The following PPP1R9A variants were observed in gnomAD, a reference collection of about 807,000 sequenced individuals.
The protein encoded by PPP1R9A is protein phosphatase 1 regulatory subunit 9A.
Under a neutral mutation model 141.9 loss-of-function variants are expected in PPP1R9A, and 59 were observed. That is an observed-to-expected ratio of 0.42 (90% CI 0.34 to 0.52). The LOEUF (loss-of-function observed/expected upper bound fraction) is 0.52, where lower values mean the gene tolerates loss of function less well. Among genes scored for constraint, PPP1R9A ranks in the 20% least tolerant of loss-of-function variants. PPP1R9A has a pLI of 0.10. For missense variants in PPP1R9A, 1,444 were observed against 1,611.9 expected (o/e 0.90, Z 1.78); for synonymous variants, 500 against 569.7 (o/e 0.88, Z 1.74).
At chr7:95,042,685 T>C (rs1809428704) in intron 2 of PPP1R9A, among the ~76,000 whole-genome samples, 2 of 152,198 alleles carry the variant, frequency 1.3e-5, no homozygotes, top group African/African-American at 4.8e-5. Context: ...GATGTGTTGA[T>C]CTAAAGTAAA....
At chr7:95,024,303 GA>G (rs751067882) in intron 2 of PPP1R9A, among the ~76,000 whole-genome samples, 5 of 152,146 alleles carry the variant, frequency 3.3e-5, no homozygotes, top group Non-Finnish European at 7.3e-5. Context: ...ACTTGGACCA[GA>G]GCTCAGTTCA....
intron 4 of PPP1R9A, among the ~76,000 whole-genome samples, chr7:95,141,417 A>G (rs1826662482): frequency 6.6e-6 from 1 of 152,212 alleles, no homozygotes; most frequent in Non-Finnish European, 1.5e-5. Context: ...TGAATATTCA[A>G]GAGTTATATA....
At chr7:95,251,032 C>T (rs868812590) in intron 10 of PPP1R9A, among the ~76,000 whole-genome samples, 1 of 152,048 alleles carries the variant, frequency 6.6e-6, no homozygotes, top group African/African-American at 2.4e-5. Flanking sequence ...TAAGATTAAC[C>T]ATATTTCTTT....
intron 2 of PPP1R9A, chr7:95,036,319 GGATTTA>G (rs1323459739): frequency 6.6e-6 from 1 of 152,192 alleles, no homozygotes; most frequent in African/African-American, 2.4e-5. Flanking sequence ...GTGTGAGTCA[GGATTTA>G]GTCCAGGAAA....
chr7:95,071,603 A>G (rs978515822), intron 2 of PPP1R9A, among the ~76,000 whole-genome samples: 3 of 151,942 alleles, frequency 2.0e-5, no homozygotes, highest in Admixed American at 2.0e-4. Context: ...AGTTTACAAA[A>G]ATGTTAGCTA....
At chr7:94,932,425 C>T (rs1794268375) in intron 2 of PPP1R9A, among the ~76,000 whole-genome samples, 1 of 152,044 alleles carries the variant, frequency 6.6e-6, no homozygotes, top group African/African-American at 2.4e-5. Context: ...AATAGTCAGA[C>T]CCCTTGTTTT....
Position 95,226,092 on chromosome 7 carries a change from C to T in PPP1R9A, c.2088C>T (p.Ser696=). 6.2e-7 allele frequency: 1 copy of T among 1,613,058 alleles called. No individual in the cohort carries two copies. The highest frequency in any genetic ancestry group is 8.5e-7 in the Non-Finnish European group (1 of 1,179,256). The part of the protein sequence containing the change: ...DMFSPSELDT[S]KLSHKFKELQ... ...TTTCCCCATCAGAACTGGACACAAG[C>T]AAGCTCAGTCACAAGTTCAAAGAGG... The change falls in exon 8 of 20, where the codon AGC becomes AGT. Residue 696 remains serine (S), a synonymous_variant. Coordinates refer to ENST00000433360, the MANE Select transcript of PPP1R9A (RefSeq NM_001166160.2).
intron 4 of PPP1R9A, among the ~76,000 whole-genome samples, chr7:95,124,582 C>CT (rs777368624): frequency 3.3e-5 from 5 of 152,208 alleles, no homozygotes; most frequent in Admixed American, 6.5e-5. Context: ...GAGGAAATTA[C>CT]TTGTCAGACC....
chr7:95,205,193 T>C (rs61452986), intron 7 of PPP1R9A, among the ~76,000 whole-genome samples: 1,750 of 152,348 alleles, frequency 0.011, 29 homozygotes, highest in African/African-American at 0.04. Flanking sequence ...ATCTAAACAA[T>C]GTCATCTTTT....
Position 95,099,164 on chromosome 7 carries a change from C to A in PPP1R9A, c.1396-12095C>A, listed in dbSNP as rs554896043. On this transcript the variant is annotated intron_variant, in intron 2 of 19. Transcript: ENST00000433360. Reference sequence around the variant, plus strand: ...CCAACTGCTGAGACACATGCTAGAACAAAAATTGATTTACTAACTTAACTT... The same window carrying A: ...CCAACTGCTGAGACACATGCTAGAAAAAAAATTGATTTACTAACTTAACTT... Among the ~76,000 whole-genome samples the A allele has an allele frequency of 5.5e-3, 838 of 152,304 alleles. 4 individuals are homozygous for A. Among genetic ancestry groups the A allele is most frequent in the Non-Finnish European group, 8.0e-3 (546 of 68,012 alleles).
At chr7:95,274,019 C>G in intron 15 of PPP1R9A, 33 bp downstream of exon 15, 1 of 1,498,164 alleles carries the variant, frequency 6.7e-7, no homozygotes, top group South Asian at 1.2e-5. Context: ...AGAAAGCCCT[C>G]TGTAAAAGGA....
intron 5 of PPP1R9A, among the ~76,000 whole-genome samples, chr7:95,172,326 A>C (rs1832243019): frequency 6.6e-6 from 1 of 151,744 alleles, no homozygotes; most frequent in Non-Finnish European, 1.5e-5. Context: ...ATTCACAGGC[A>C]ATATGGTCAT....
chr7:95,218,318 G>A (rs1477259857), intron 7 of PPP1R9A, among the ~76,000 whole-genome samples: 2 of 152,038 alleles, frequency 1.3e-5, no homozygotes, highest in Non-Finnish European at 2.9e-5. Flanking sequence ...TTTGATTGCA[G>A]TGTGGTCTGA....
intron 2 of PPP1R9A, among the ~76,000 whole-genome samples, chr7:95,044,032 C>T (rs1228949759): frequency 1.3e-5 from 2 of 152,166 alleles, no homozygotes; most frequent in Non-Finnish European, 2.9e-5. Context: ...ATTGCAGAAG[C>T]ACAACAATAC....
chr7:95,032,221 G>A (rs1265254523), intron 2 of PPP1R9A, among the ~76,000 whole-genome samples: 1 of 152,100 alleles, frequency 6.6e-6, no homozygotes, highest in Non-Finnish European at 1.5e-5. Context: ...GTATCCATCC[G>A]TGCTTCTCTT....
Position 95,194,719 on chromosome 7 carries a change from C to CAA in PPP1R9A, c.1755-3615_1755-3614dup, listed in dbSNP as rs372060355. On this transcript the variant is annotated intron_variant, in intron 5 of 19. Coordinates refer to ENST00000433360, the MANE Select transcript of PPP1R9A (RefSeq NM_001166160.2). The stretch of plus-strand genomic sequence containing the variant: ...TAAAAGCCAGTATCACTTACAATAC[C>CAA]AAAAAAAAAAAAAAAATGAAATACT... Among the ~76,000 whole-genome samples the CAA allele has an allele frequency of 1.7e-3, 199 of 114,588 alleles. 1 individual carries two copies. Among genetic ancestry groups the CAA allele is most frequent in the Middle Eastern group, 4.9e-3 (1 of 204 alleles). 75.2% of individuals were successfully genotyped at this position (114,588 alleles called of 152,430 possible). A position where few individuals can be genotyped will look rare whatever the true frequency, so the allele number is the denominator to read the frequency against.
intron 2 of PPP1R9A, among the ~76,000 whole-genome samples, chr7:94,932,305 G>A (rs1794254876): frequency 6.6e-6 from 1 of 152,148 alleles, no homozygotes; most frequent in Non-Finnish European, 1.5e-5. Context: ...GATTGAATTG[G>A]TGCCAGCTCC....
intron 4 of PPP1R9A, among the ~76,000 whole-genome samples, chr7:95,123,374 C>T (rs1584810566): frequency 1.3e-5 from 2 of 152,140 alleles, no homozygotes; most frequent in African/African-American, 2.4e-5. Context: ...TTGGGCCAGG[C>T]GAGGTGGCTT....
intron 2 of PPP1R9A, among the ~76,000 whole-genome samples, chr7:95,048,124 T>G (rs574252440): frequency 2.7e-3 from 413 of 152,320 alleles, no homozygotes; most frequent in South Asian, 0.011. Context: ...GTACATAAAG[T>G]CCAGCATAAA....
Sources: gnomAD v4.1 joint callset for allele counts (sites outside exome capture counted in the v4.1 genomes callset) on GRCh38, gnomAD v4.1.1 for gene constraint, MANE v1.5 for transcripts, NCBI Gene and HGNC (gene_info 2026-07-23, HGNC 2026-07-21) for gene names.